Variants in MAOB observed in about 807,000 individuals in gnomAD.
MAOB encodes monoamine oxidase B, also known as amine oxidase [flavin-containing] B.
A neutral mutation model predicts 41.9 loss-of-function variants in MAOB; 15 were observed. The observed-to-expected ratio is 0.36, with a 90% confidence interval of 0.24 to 0.55. The LOEUF is 0.55. MAOB is among the 20% of genes least tolerant of loss of function. The pLI, the probability that MAOB is intolerant of heterozygous loss-of-function variation, is 0.86. For synonymous variants in MAOB, 167 were observed against 144.2 expected (o/e 1.16, Z -1.13); for missense variants, 345 against 398.7 (o/e 0.87, Z 1.15).
chrX:43,864,794 G>A (rs2147178326), intron 1 of MAOB, among the ~76,000 whole-genome samples: 1 of 111,199 alleles, frequency 9.0e-6, no homozygotes, highest in East Asian at 2.8e-4. Flanking sequence ...AGCTGAACAG[G>A]CTAAGAGTTT....
chrX:43,831,371 A>G (rs1333091367), intron 3 of MAOB, among the ~76,000 whole-genome samples: 1 of 111,629 alleles, frequency 9.0e-6, no homozygotes, highest in Non-Finnish European at 1.9e-5. Flanking sequence ...TGGCAGTACT[A>G]AAAAGTACAA....
At chrX:43,824,730 A>G (rs2034924218) in intron 3 of MAOB, among the ~76,000 whole-genome samples, 1 of 112,828 alleles carries the variant, frequency 8.9e-6, no homozygotes, top group Admixed American at 9.3e-5. Context: ...TCTGCCCCCA[A>G]AGAAAGCAGA....
At chrX:43,834,639 A>G (rs1378502148) in intron 3 of MAOB, among the ~76,000 whole-genome samples, 1 of 111,702 alleles carries the variant, frequency 9.0e-6, no homozygotes, top group African/African-American at 3.3e-5. Flanking sequence ...GTTGTCAGCA[A>G]GACTGAGGGG....
intron 3 of MAOB, among the ~76,000 whole-genome samples, chrX:43,829,662 G>A (rs776362141): frequency 8.9e-6 from 1 of 112,034 alleles, no homozygotes; most frequent in East Asian, 2.8e-4. Context: ...GGCACATAAG[G>A]AACTTCACTC....
chrX:43,846,399 G>T (rs1050182534), intron 1 of MAOB, among the ~76,000 whole-genome samples: 9 of 112,324 alleles, frequency 8.0e-5, no homozygotes, highest in African/African-American at 2.9e-4. Context: ...AGTTCTCTAT[G>T]CTCATGTACC....
At chrX:43,834,269 G>T (rs1051867671) in intron 3 of MAOB, among the ~76,000 whole-genome samples, 5 of 111,307 alleles carry the variant, frequency 4.5e-5, no homozygotes, top group African/African-American at 1.6e-4. Flanking sequence ...CTGTCTTTAT[G>T]AGAGAAGCAA....
At chrX:43,850,369 C>T (rs767621561) in intron 1 of MAOB, 2 of 747,338 alleles carry the variant, frequency 2.7e-6, no homozygotes, top group Non-Finnish European at 3.2e-6. Flanking sequence ...GGGACTGTAT[C>T]ATTAGAGGAA....
chrX:43,797,049 C>T (rs763327736), intron 6 of MAOB, 76 bp downstream of exon 6: 1 of 1,038,236 alleles, frequency 9.6e-7, no homozygotes, highest in East Asian at 3.2e-5. Context: ...TTCAGCAGTT[C>T]ATGATTGAAG....
chrX:43,848,518 T>A (rs1158787068), intron 1 of MAOB, among the ~76,000 whole-genome samples: 1 of 110,890 alleles, frequency 9.0e-6, no homozygotes, highest in Non-Finnish European at 1.9e-5. Context: ...TTTTTTTTTT[T>A]ATGTTGTTGT....
At chrX:43,773,063 C>A (rs1164507802) in intron 12 of MAOB, among the ~76,000 whole-genome samples, 2 of 112,262 alleles carry the variant, frequency 1.8e-5, no homozygotes, top group Non-Finnish European at 3.8e-5. Flanking sequence ...TGGCCTAATA[C>A]ACCATCCATG....
At chrX:43,800,966 C>T (rs932687497) in intron 5 of MAOB, among the ~76,000 whole-genome samples, 5 of 110,345 alleles carry the variant, frequency 4.5e-5, no homozygotes, top group Admixed American at 9.7e-5. Flanking sequence ...TTTTTTAAAA[C>T]CCTCAAGTAC....
At chrX:43,842,152 G>A (rs549309723) in intron 2 of MAOB, among the ~76,000 whole-genome samples, 5 of 112,111 alleles carry the variant, frequency 4.5e-5, no homozygotes, top group African/African-American at 1.6e-4. Context: ...TTTGCAAGCC[G>A]TACATCTGAT....
intron 12 of MAOB, among the ~76,000 whole-genome samples, chrX:43,774,875 C>T (rs927084986): frequency 5.4e-5 from 6 of 111,133 alleles, no homozygotes; most frequent in Non-Finnish European, 7.5e-5. Context: ...GCATGCAATG[C>T]GTAATAATCA....
intron 1 of MAOB, among the ~76,000 whole-genome samples, chrX:43,872,315 T>C (rs937029134): frequency 8.9e-6 from 1 of 112,120 alleles, no homozygotes; most frequent in Non-Finnish European, 1.9e-5. Context: ...TTCTAGTGCC[T>C]ACAACTTCAT....
intron 12 of MAOB, among the ~76,000 whole-genome samples, chrX:43,774,836 C>T (rs968927582): frequency 3.6e-5 from 4 of 111,047 alleles, no homozygotes; most frequent in Non-Finnish European, 7.5e-5. Flanking sequence ...GTGTATATAT[C>T]TATGGGTACA....
At chrX:43,839,630 C>T (rs777756446) in intron 2 of MAOB, among the ~76,000 whole-genome samples, 5 of 111,999 alleles carry the variant, frequency 4.5e-5, no homozygotes, top group Admixed American at 1.9e-4. Flanking sequence ...TGGTCCTTCT[C>T]TTCTGTTTTT....
intron 3 of MAOB, among the ~76,000 whole-genome samples, chrX:43,807,495 T>C (rs866431725): frequency 8.9e-6 from 1 of 112,405 alleles, no homozygotes; most frequent in Non-Finnish European, 1.9e-5. Context: ...CATTTACTAT[T>C]CTATCTCATT....
intron 1 of MAOB, 138 bp from the exon 2 acceptor site, chrX:43,843,902 G>T (rs760290158): frequency 2.0e-6 from 2 of 1,012,331 alleles, no homozygotes; most frequent in Admixed American, 4.4e-5. Flanking sequence ...AAGTGGATAC[G>T]GTTTGTCAAT....
chrX:43,769,534 T>C (rs2034154724), intron 12 of MAOB, 116 bp from the exon 13 acceptor site: 1 of 1,006,142 alleles, frequency 9.9e-7, no homozygotes, highest in Non-Finnish European at 1.3e-6. Flanking sequence ...AAGAAGGACA[T>C]TGGCAATTTT....
Sources: allele counts gnomAD v4.1 joint callset (sites outside exome capture counted in the v4.1 genomes callset), GRCh38; gene constraint gnomAD v4.1.1; transcripts MANE v1.5; gene names NCBI Gene and HGNC (gene_info 2026-07-23, HGNC 2026-07-21).